The following USP22 variants were observed in gnomAD, a reference collection of about 807,000 sequenced individuals.
USP22 encodes ubiquitin carboxyl-terminal hydrolase 22.
A neutral mutation model predicts 68.1 loss-of-function variants in USP22; 22 were observed. The ratio of observed to expected loss-of-function variants is 0.32; its 90% CI spans 0.23 to 0.46. USP22 has a LOEUF of 0.46. Ranked by LOEUF, USP22 falls within the 20% of genes least tolerant of loss-of-function variation. The pLI is 1.00. For missense variants in USP22, 433 were observed against 695.8 expected, an observed-to-expected ratio of 0.62 and a Z score of 4.25; for synonymous variants, 279 against 274.2, an observed-to-expected ratio of 1.02 and a Z score of -0.17.
chr17:21,029,731 A>G (rs1972265350), intron 1 of USP22, among the ~76,000 whole-genome samples: 1 of 152,258 alleles, frequency 6.6e-6, no homozygotes, highest in Admixed American at 6.5e-5. Context: ...GTACTGACAC[A>G]TGCTACAGTG....
intron 1 of USP22, among the ~76,000 whole-genome samples, chr17:21,040,831 G>A (rs1007569462): frequency 7.9e-5 from 12 of 151,590 alleles, no homozygotes; most frequent in African/African-American, 2.4e-4. Context: ...GGACACTACT[G>A]ACCCAGAGTA....
chr17:21,031,141 C>T lies in USP22; in HGVS notation c.172-2467G>A, dbSNP rs115573507. 8.6e-3 allele frequency among the ~76,000 whole-genome samples: 1,309 copies of T among 152,266 alleles called. 25 individuals are homozygous for T. Among genetic ancestry groups the T allele is most frequent in the African/African-American group, 0.029 (1,210 of 41,534 alleles). On this transcript the variant is annotated intron_variant, in intron 1 of 12. Transcript: ENST00000261497. ...ATTTTCCAAATAAATGGATAGAAGA[C>T]AACTATTAAATTGAACACATGTACC...
At position 21,000,153 on chromosome 17, in the gene USP22, G is replaced by T. The variant is rs1300783459; in HGVS notation, c.*2878C>A. The T allele has an allele frequency of 1.3e-5, 2 of 152,234 alleles. No individual in the cohort carries two copies. Among genetic ancestry groups the T allele is most frequent in the Admixed American group, 1.3e-4 (2 of 15,280 alleles). 9.4% of individuals were successfully genotyped at this position (152,234 alleles called of 1,614,324 possible). A position where few individuals can be genotyped will look rare whatever the true frequency, so the allele number is the denominator to read the frequency against. Reference sequence around the variant, plus strand: ...GTGAATGTGCTGGGGTCACCAAGGGGGCCCCTTAGTGGTCAGATGCACTTT... The same window carrying T: ...GTGAATGTGCTGGGGTCACCAAGGGTGCCCCTTAGTGGTCAGATGCACTTT... On this transcript the variant is annotated 3_prime_UTR_variant, in exon 13 of 13. Coordinates refer to ENST00000261497, the MANE Select transcript of USP22 (RefSeq NM_015276.2).
At position 21,006,886 on chromosome 17, in the gene USP22, C is replaced by G; in HGVS notation, c.1322+10G>C. 1 of 1,594,858 alleles carries G rather than the reference C, an allele frequency of 6.3e-7. No homozygotes were observed. The highest frequency in any genetic ancestry group is 8.5e-7 in the Non-Finnish European group (1 of 1,170,308). On this transcript the variant is annotated intron_variant, in intron 10 of 12. Transcript: ENST00000261497. ...CTCAGGACACAGAACGGGCCTACAA[C>G]CCCACATACCTGGAGGCCATGAAAG...
At chr17:21,008,705 C>G (rs759797132) in intron 8 of USP22, among the ~76,000 whole-genome samples, 2 of 152,064 alleles carry the variant, frequency 1.3e-5, no homozygotes, top group Non-Finnish European at 2.9e-5. Flanking sequence ...GAGGAGGTCA[C>G]CATCGGGGGA....
intron 1 of USP22, among the ~76,000 whole-genome samples, chr17:21,037,590 C>A (rs377321685): frequency 3.9e-5 from 6 of 152,156 alleles, no homozygotes; most frequent in African/African-American, 1.4e-4. Flanking sequence ...ACCGGGACTC[C>A]TCAAAACTCT....
At chr17:21,028,447 G>C in intron 2 of USP22, 95 bp downstream of exon 2, 1 of 1,549,512 alleles carries the variant, frequency 6.5e-7, no homozygotes, top group South Asian at 1.2e-5. Flanking sequence ...AAACGACAAA[G>C]TGGACTTTTG....
chr17:21,009,198 A>C (rs1296459289), intron 8 of USP22, among the ~76,000 whole-genome samples: 1 of 152,064 alleles, frequency 6.6e-6, no homozygotes, highest in Non-Finnish European at 1.5e-5. Context: ...TGTCTGGCAC[A>C]GGTGTCAGCT....
rs76869358 is a variant in USP22 at position 21,031,401 on chromosome 17, T to C, written c.172-2727A>G. On this transcript the variant is annotated intron_variant, in intron 1 of 12. Coordinates refer to ENST00000261497, the MANE Select transcript of USP22 (RefSeq NM_015276.2). ...GAAACCTAACACTGAACAAAACAAC[T>C]AAACACAACAAGCTCCTGCTGTGCT... is the stretch of plus-strand genomic sequence containing the variant. Among the ~76,000 whole-genome samples the C allele has an allele frequency of 2.6e-3, 402 of 152,318 alleles. 1 individual carries two copies. Among genetic ancestry groups the C allele is most frequent in the Non-Finnish European group, 4.3e-3 (292 of 68,018 alleles).
At chr17:21,014,538 A>G (rs1467402504) in intron 6 of USP22, among the ~76,000 whole-genome samples, 5 of 152,246 alleles carry the variant, frequency 3.3e-5, no homozygotes, top group African/African-American at 4.8e-5. Flanking sequence ...AAGTACCAAA[A>G]GAAAACAGAA....
Position 21,006,176 on chromosome 17 carries a change from A to C in USP22, c.1322+720T>G, listed in dbSNP as rs145203938. Among the ~76,000 whole-genome samples, 47 of 152,346 alleles carry C rather than the reference A, an allele frequency of 3.1e-4. No homozygotes were observed. The East Asian group carries it at 7.7e-3, about 25-fold the overall frequency. On this transcript the variant is annotated intron_variant, in intron 10 of 12. Coordinates refer to ENST00000261497, the MANE Select transcript of USP22 (RefSeq NM_015276.2). ...TTTTGGTCATTTGTCACAGAACCAC[A>C]GGAAACTCCTATGTGTCTCATGCAT...
In USP22 at chr17:21,002,701, G is replaced by A; in HGVS notation, c.*330C>T. ...CCACACCGAGTGCTGGGGAACGCCA[G>A]GCAGCGGTCACTCTGTGCTGTGAGG... On this transcript the variant is annotated 3_prime_UTR_variant, in exon 13 of 13. Coordinates refer to ENST00000261497, the MANE Select transcript of USP22 (RefSeq NM_015276.2). The A allele has an allele frequency of 3.1e-6, 1 of 326,090 alleles. No homozygotes were observed. Among genetic ancestry groups the A allele is most frequent in the Non-Finnish European group, 6.0e-6 (1 of 167,840 alleles). The allele number at this position is 326,090 out of a possible 1,614,324, so 20.2% of individuals were successfully genotyped here.
chr17:21,025,933 A>AT (rs1972213749), intron 2 of USP22, among the ~76,000 whole-genome samples: 1 of 152,198 alleles, frequency 6.6e-6, no homozygotes, highest in South Asian at 2.1e-4. Context: ...AACATTGTAA[A>AT]TGTGCTAAAT....
chr17:21,037,220 T>C (rs1972368504), intron 1 of USP22, among the ~76,000 whole-genome samples: 1 of 152,158 alleles, frequency 6.6e-6, no homozygotes. Context: ...CGAGTGAGGA[T>C]CAGCAAATCT....
intron 7 of USP22, 129 bp downstream of exon 7, chr17:21,012,701 C>T (rs1360024351): frequency 8.5e-6 from 7 of 819,326 alleles, no homozygotes; most frequent in South Asian, 1.8e-5. Context: ...GCTCTCATGG[C>T]GTCTATTAAT....
At chr17:21,007,827 A>C (rs1354306482) in intron 9 of USP22, 43 bp downstream of exon 9, 1 of 1,613,718 alleles carries the variant, frequency 6.2e-7, no homozygotes, top group South Asian at 1.1e-5. Flanking sequence ...CTGTGGACTA[A>C]AAACTAAGTC....
At chr17:21,025,543 C>T (rs1567590606) in intron 2 of USP22, among the ~76,000 whole-genome samples, 1 of 152,194 alleles carries the variant, frequency 6.6e-6, no homozygotes, top group Non-Finnish European at 1.5e-5. Context: ...TAGAATTACA[C>T]ACAATGTCCA....
At chr17:21,010,723 A>G (rs1182271651) in intron 8 of USP22, among the ~76,000 whole-genome samples, 1 of 152,104 alleles carries the variant, frequency 6.6e-6, no homozygotes, top group African/African-American at 2.4e-5. Flanking sequence ...GAAGCAGTAC[A>G]TGCACAATTT....
intron 4 of USP22, 117 bp from the exon 5 acceptor site, chr17:21,018,228 G>GAA: frequency 1.0e-6 from 1 of 1,002,084 alleles, no homozygotes; most frequent in Non-Finnish European, 1.4e-6. Context: ...ATTCATTCAA[G>GAA]CCAGAACACG....
Sources: gnomAD v4.1 joint callset for allele counts (sites outside exome capture counted in the v4.1 genomes callset) on GRCh38, gnomAD v4.1.1 for gene constraint, MANE v1.5 for transcripts, NCBI Gene and HGNC (gene_info 2026-07-23, HGNC 2026-07-21) for gene names.